ECPAS: variants seen among roughly 807,000 people sequenced by gnomAD.
The protein encoded by ECPAS is Ecm29 proteasome adaptor and scaffold, also known as proteasome adapter and scaffold protein ECM29.
Under a neutral mutation model 255.1 loss-of-function variants are expected in ECPAS, and 70 were observed. The ratio of observed to expected loss-of-function variants is 0.27; its 90% CI spans 0.23 to 0.33. ECPAS has a LOEUF of 0.33. Among genes scored for constraint, ECPAS ranks in the 10% least tolerant of loss-of-function variants. The probability of loss-of-function intolerance (pLI) is 1.00; values close to 1 mark genes in which losing one functional copy is unlikely to be tolerated. For missense variants in ECPAS, 1,817 were observed against 2,206.4 expected, an observed-to-expected ratio of 0.82 and a Z score of 3.54; for synonymous variants, 784 against 775.0, an observed-to-expected ratio of 1.01 and a Z score of -0.19.
At chr9:111,370,334 G>T in intron 45 of ECPAS, 101 bp downstream of exon 45, 4 of 731,084 alleles carry the variant, frequency 5.5e-6, no homozygotes, top group Non-Finnish European at 6.6e-6. Flanking sequence ...TCTGCTACTT[G>T]CAGCTAAACT....
chr9:111,482,314 G>A (rs1315585858), intron 1 of ECPAS, among the ~76,000 whole-genome samples: 1 of 152,150 alleles, frequency 6.6e-6, no homozygotes, highest in East Asian at 1.9e-4. Flanking sequence ...CAGTACTCCT[G>A]CTCCACCAGT....
At chr9:111,475,629 A>C (rs752051068) in intron 1 of ECPAS, among the ~76,000 whole-genome samples, 1 of 152,016 alleles carries the variant, frequency 6.6e-6, no homozygotes, top group African/African-American at 2.4e-5. Context: ...CCAGCTACTC[A>C]GGAGGCTGAG....
chr9:111,361,788 C>T lies in ECPAS; in HGVS notation c.*242G>A. 3.0e-6 allele frequency: 1 copy of T among 336,668 alleles called. No homozygotes were observed. The highest frequency in any genetic ancestry group is 5.3e-6 in the Non-Finnish European group (1 of 187,394). The allele number at this position is 336,668 out of a possible 1,614,324, so 20.9% of individuals were successfully genotyped here. On this transcript the variant is annotated 3_prime_UTR_variant, in exon 50 of 50. Coordinates refer to ENST00000684092, the MANE Select transcript of ECPAS (RefSeq NM_001364929.1). ...TTTAGTAACTATTTCTGCCAGTTTC[C>T]TTTACAACCACCCCTCAAACATCCA...
At chr9:111,463,552 T>C (rs752186692) in intron 2 of ECPAS, among the ~76,000 whole-genome samples, 8 of 152,184 alleles carry the variant, frequency 5.3e-5, no homozygotes, top group Non-Finnish European at 8.8e-5. Flanking sequence ...TCCATAAAAG[T>C]GCAGTAGGAG....
chr9:111,394,149 G>C lies in ECPAS; in HGVS notation c.2922+11C>G. 2 of 1,595,860 alleles carry C rather than the reference G, an allele frequency of 1.3e-6. No homozygotes were observed. Among genetic ancestry groups the C allele is most frequent in the Non-Finnish European group, 1.7e-6 (2 of 1,172,874 alleles). On this transcript the variant is annotated intron_variant, in intron 26 of 49. Coordinates refer to ENST00000684092, the MANE Select transcript of ECPAS (RefSeq NM_001364929.1). Reference sequence around the variant, plus strand: ...TTTCCAACAGGGCTGACCACATACAGCATGGCTCACCTTCACTTCTTTGTG... The same window carrying C: ...TTTCCAACAGGGCTGACCACATACACCATGGCTCACCTTCACTTCTTTGTG...
intron 24 of ECPAS, among the ~76,000 whole-genome samples, chr9:111,403,949 T>A (rs1366608189): frequency 6.7e-6 from 1 of 149,676 alleles, no homozygotes. Flanking sequence ...AAATCAGTAA[T>A]AAGTAGAACT....
intron 24 of ECPAS, among the ~76,000 whole-genome samples, chr9:111,398,310 T>C (rs1452735330): frequency 6.6e-6 from 1 of 152,212 alleles, no homozygotes; most frequent in African/African-American, 2.4e-5. Context: ...ACATAATCCT[T>C]ATTAGGGGTT....
intron 2 of ECPAS, among the ~76,000 whole-genome samples, chr9:111,461,158 T>G (rs966142251): frequency 6.6e-6 from 1 of 152,024 alleles, no homozygotes; most frequent in Admixed American, 6.6e-5. Context: ...TTTGGTCAAA[T>G]TTCAAGGCTA....
At chr9:111,381,936 T>C (rs919716909) in intron 35 of ECPAS, among the ~76,000 whole-genome samples, 1 of 152,020 alleles carries the variant, frequency 6.6e-6, no homozygotes, top group Non-Finnish European at 1.5e-5. Flanking sequence ...ATTCCAGTCA[T>C]GTCATTTAAC....
chr9:111,410,876 G>A, intron 22 of ECPAS, 104 bp downstream of exon 22: 1 of 1,189,122 alleles, frequency 8.4e-7, no homozygotes, highest in East Asian at 2.3e-5. Context: ...AAAAGCTTGT[G>A]TCTTTTCAAA....
chr9:111,470,481 T>C (rs2098285980), intron 2 of ECPAS, among the ~76,000 whole-genome samples: 2 of 152,062 alleles, frequency 1.3e-5, no homozygotes, highest in African/African-American at 2.4e-5. Flanking sequence ...CAGCTAACTT[T>C]TTGTATTTTT....
rs187233731 is a variant in ECPAS at position 111,378,701 on chromosome 9, C to G, written c.3833G>C (p.Ser1278Thr). 8.7e-6 allele frequency: 14 copies of G among 1,613,562 alleles called. No individual in the cohort carries two copies. The African/African-American group carries it at 1.9e-4, about 22-fold the overall frequency. Reference protein sequence around the residue: ...SINTLVKISKSAGAMLKPHAP... With the variant: ...SINTLVKISKTAGAMLKPHAP... Reference sequence around the variant, plus strand: ...ATGCGGTTTCAACATGGCTCCTGCACTTTTGCTGATCTTCACAAGGGTGTT... The same window carrying G: ...ATGCGGTTTCAACATGGCTCCTGCAGTTTTGCTGATCTTCACAAGGGTGTT... Residue 1278 changes from serine to threonine, a missense_variant, in exon 36 of 50, where the codon AGT (serine) becomes ACT (threonine). This residue lies in a region of ECPAS where 960 missense variants were observed against 1,179.0 expected (regional missense o/e 0.81). Transcript: ENST00000684092.
chr9:111,386,305 T>C, intron 32 of ECPAS, 72 bp downstream of exon 32: 1 of 1,000,404 alleles, frequency 1.0e-6, no homozygotes, highest in Non-Finnish European at 1.5e-6. Context: ...GCACAAAGTA[T>C]AAAACCTAGA....
At chr9:111,382,727 A>G (rs1031061026) in intron 35 of ECPAS, among the ~76,000 whole-genome samples, 2 of 152,222 alleles carry the variant, frequency 1.3e-5, no homozygotes, top group African/African-American at 4.8e-5. Context: ...TGGAACAGAT[A>G]AAGTTCCTAG....
chr9:111,418,052 G>T (rs2131770591), intron 16 of ECPAS, 46 bp from the exon 17 acceptor site: 1 of 1,511,094 alleles, frequency 6.6e-7, no homozygotes, highest in South Asian at 1.3e-5. Context: ...TGTCACCAAT[G>T]GGAAATGATC....
chr9:111,376,994 C>G (rs534682321), intron 36 of ECPAS, among the ~76,000 whole-genome samples: 2 of 152,298 alleles, frequency 1.3e-5, no homozygotes, highest in Middle Eastern at 3.4e-3. Flanking sequence ...GAGGTTAACA[C>G]TATCCAGATA....
At chr9:111,411,785 A>G in intron 21 of ECPAS, 2 of 393,312 alleles carry the variant, frequency 5.1e-6, no homozygotes, top group Non-Finnish European at 9.0e-6. Context: ...GTATTTATGA[A>G]TCACTGTACT....
intron 18 of ECPAS, among the ~76,000 whole-genome samples, chr9:111,415,168 T>C (rs1315105880): frequency 1.3e-5 from 2 of 152,032 alleles, no homozygotes; most frequent in African/African-American, 4.8e-5. Context: ...CCTTCACATG[T>C]ACCCTCGAAC....
intron 20 of ECPAS, 119 bp downstream of exon 20, chr9:111,413,776 T>G: frequency 2.0e-6 from 1 of 509,030 alleles, no homozygotes; most frequent in East Asian, 3.2e-5. Flanking sequence ...GATAAGAGAG[T>G]TTTCAAAACG....
Sources: gnomAD v4.1 joint callset for allele counts (sites outside exome capture counted in the v4.1 genomes callset) on GRCh38, gnomAD v4.1.1 for gene constraint, gnomAD v4.1.1 regional missense constraint, MANE v1.5 for transcripts, NCBI Gene and HGNC (gene_info 2026-07-23, HGNC 2026-07-21) for gene names.